Variants in SATB1 observed in about 807,000 individuals in gnomAD.
The protein encoded by SATB1 is SATB homeobox 1, also known as DNA-binding protein SATB1.
A neutral mutation model predicts 86.9 loss-of-function variants in SATB1; 11 were observed. The observed-to-expected ratio is 0.13, with a 90% CI of 0.08 to 0.21. The LOEUF is 0.21. SATB1 is among the 10% of genes least tolerant of loss of function. The pLI, the probability that SATB1 is intolerant of heterozygous loss-of-function variation, is 1.00. For synonymous variants in SATB1, 357 were observed against 357.2 expected, an observed-to-expected ratio of 1.00 and a Z score of 0.01; for missense variants, 551 against 937.6, an observed-to-expected ratio of 0.59 and a Z score of 5.39.
In SATB1 at chr3:18,416,881, C is replaced by T. The variant is rs1192513636; in HGVS notation, c.388+21G>A. On this transcript the variant is annotated intron_variant, in intron 3 of 10. Coordinates refer to ENST00000338745, the MANE Select transcript of SATB1 (RefSeq NM_002971.6). ...AAAGAATGCTAAGCAATTTTTCCAA[C>T]CCCACGTACACATTATTTACCTTTG... The T allele has an allele frequency of 6.4e-6, 10 of 1,568,138 alleles. No homozygotes were observed. In the East Asian group the frequency reaches 2.3e-4, roughly 35 times the overall value.
intron 5 of SATB1, among the ~76,000 whole-genome samples, chr3:18,403,039 A>T (rs968482570): frequency 6.6e-6 from 1 of 152,130 alleles, no homozygotes; most frequent in African/African-American, 2.4e-5. Context: ...GAATAGCAAG[A>T]GATTGTTTTT....
intron 6 of SATB1, among the ~76,000 whole-genome samples, chr3:18,396,566 T>G (rs1193061106): frequency 3.3e-5 from 5 of 152,306 alleles, no homozygotes; most frequent in Admixed American, 2.0e-4. Flanking sequence ...GTGTACTTCT[T>G]GCATAACAAA....
intron 9 of SATB1, among the ~76,000 whole-genome samples, chr3:18,366,442 A>C (rs1442825140): frequency 8.1e-6 from 1 of 122,902 alleles, no homozygotes; most frequent in African/African-American, 4.3e-5. Context: ...AACTTCCATC[A>C]ATCAATCAAT....
At chr3:18,407,188 C>A (rs1213559628) in intron 5 of SATB1, among the ~76,000 whole-genome samples, 9 of 152,010 alleles carry the variant, frequency 5.9e-5, no homozygotes, top group African/African-American at 1.9e-4. Context: ...TTCTACTTGA[C>A]ATTATCTAGC....
Position 18,370,686 on chromosome 3 carries a change from T to A in SATB1, c.1575+7484A>T, listed in dbSNP as rs192488043. Among the ~76,000 whole-genome samples, 245 of 152,240 alleles carry A rather than the reference T, an allele frequency of 1.6e-3. 4 individuals are homozygous for A. In the South Asian group the frequency reaches 0.039, roughly 24 times the overall value. On this transcript the variant is annotated intron_variant, in intron 9 of 10. Coordinates refer to ENST00000338745, the MANE Select transcript of SATB1 (RefSeq NM_002971.6). ...AACAGATTTAAATATTTACTCAAAT[T>A]TGGACCTCAAAATGGGTTTAGCATA...
intron 5 of SATB1, among the ~76,000 whole-genome samples, chr3:18,405,943 A>G (rs951989194): frequency 6.6e-6 from 1 of 152,046 alleles, no homozygotes; most frequent in Non-Finnish European, 1.5e-5. Flanking sequence ...CATCTCAATC[A>G]ATATTATGAA....
intron 8 of SATB1, among the ~76,000 whole-genome samples, chr3:18,384,473 TA>T (rs1441462604): frequency 6.7e-6 from 1 of 149,392 alleles, no homozygotes; most frequent in East Asian, 1.9e-4. Context: ...TTTTTTTTTT[TA>T]AAGCAGTTCA....
chr3:18,389,456 C>G (rs1696525385), intron 7 of SATB1, among the ~76,000 whole-genome samples: 2 of 151,794 alleles, frequency 1.3e-5, no homozygotes, highest in Non-Finnish European at 2.9e-5. Context: ...TGGTCCTGTT[C>G]AGGTTGTTGT....
In SATB1 at chr3:18,415,162, T is replaced by C; in HGVS notation, c.588A>G (p.Leu196=). The C allele has an allele frequency of 2.5e-6, 4 of 1,613,124 alleles. No individual in the cohort carries two copies. The highest frequency in any genetic ancestry group is 3.4e-6 in the Non-Finnish European group (4 of 1,179,294). ...HTTVRNALKD[L]LKDMNQSSLA... Reference sequence around the variant, plus strand: ...ATGAACTCTGATTCATATCTTTCAGTAAGTCCTTCAGAGCATTCCTCACTG... The same window carrying C: ...ATGAACTCTGATTCATATCTTTCAGCAAGTCCTTCAGAGCATTCCTCACTG... Residue 196 remains leucine (L), a synonymous_variant, in exon 5 of 11, where the codon TTA becomes TTG. Coordinates refer to ENST00000338745, the MANE Select transcript of SATB1 (RefSeq NM_002971.6).
chr3:18,425,989 A>G (rs1698685296), upstream of SATB1, among the ~76,000 whole-genome samples: 1 of 152,130 alleles, frequency 6.6e-6, no homozygotes, highest in South Asian at 2.1e-4. Context: ...GTGGGGGGAC[A>G]GGGAGACGCA....
intron 9 of SATB1, among the ~76,000 whole-genome samples, chr3:18,376,689 T>C (rs1321579880): frequency 2.6e-5 from 4 of 152,058 alleles, no homozygotes; most frequent in South Asian, 4.1e-4. Flanking sequence ...CATTCTATCA[T>C]AATTAGAAAC....
chr3:18,418,463 A>G (rs1698227831), intron 2 of SATB1, among the ~76,000 whole-genome samples: 1 of 152,194 alleles, frequency 6.6e-6, no homozygotes, highest in African/African-American at 2.4e-5. Flanking sequence ...AAAACTCACA[A>G]ACTCATTCGG....
upstream of SATB1, among the ~76,000 whole-genome samples, chr3:18,425,700 G>C (rs547534318): frequency 1.3e-5 from 2 of 151,992 alleles, no homozygotes; most frequent in South Asian, 4.1e-4. Context: ...GCCGCCGCCA[G>C]ACGCGCCAGG....
intron 7 of SATB1, among the ~76,000 whole-genome samples, chr3:18,390,244 G>A (rs542631395): frequency 6.3e-4 from 96 of 152,194 alleles, no homozygotes; most frequent in Non-Finnish European, 1.2e-3. Flanking sequence ...GATTCAAATA[G>A]ATTTTATCAG....
At chr3:18,408,902 G>A (rs1253445438) in intron 5 of SATB1, 1 of 151,824 alleles carries the variant, frequency 6.6e-6, no homozygotes, top group East Asian at 1.9e-4. Flanking sequence ...AAAACCATTA[G>A]AAAATAGCAT....
chr3:18,437,549 G>C, intron 1 of SATB1, among the ~76,000 whole-genome samples: 1 of 151,994 alleles, frequency 6.6e-6, no homozygotes, highest in Non-Finnish European at 1.5e-5. Context: ...ACTGTCTACT[G>C]CTCTAATAAC....
rs62240975 is a variant in SATB1 at position 18,444,681 on chromosome 3, G to A, written c.-25+837C>T. ...ACCAAGAACGGCTCCCCGGGCGGGCGCGCCGGCGTCGGACTTCCGAGGCGG... is the reference window on the plus strand; with the variant it reads ...ACCAAGAACGGCTCCCCGGGCGGGCACGCCGGCGTCGGACTTCCGAGGCGG... On this transcript the variant is annotated intron_variant, in intron 1 of 3. Coordinates refer to the SATB1 transcript ENST00000415069. The surrounding 1 kb of genome is among the most constrained non-coding windows in gnomAD (Gnocchi z 5.1). 246,333 of 982,988 alleles carry A rather than the reference G, an allele frequency of 0.25. 32,150 individuals are homozygous for A. Among genetic ancestry groups the A allele is most frequent in the African/African-American group, 0.4 (22,652 of 56,838 alleles). The allele number at this position is 982,988 out of a possible 1,614,324, so 60.9% of individuals were successfully genotyped here.
At chr3:18,366,638 A>C (rs142494721) in intron 9 of SATB1, among the ~76,000 whole-genome samples, 4 of 152,308 alleles carry the variant, frequency 2.6e-5, no homozygotes, top group Non-Finnish European at 5.9e-5. Flanking sequence ...AATTCGGCTC[A>C]TCTCATACTC....
intron 9 of SATB1, among the ~76,000 whole-genome samples, chr3:18,372,474 A>AT (rs1322552574): frequency 6.6e-6 from 1 of 152,166 alleles, no homozygotes; most frequent in African/African-American, 2.4e-5. Context: ...TCTTCTGTTC[A>AT]TTTTTTTAAA....
Sources: allele counts gnomAD v4.1 joint callset (sites outside exome capture counted in the v4.1 genomes callset), GRCh38; gene constraint gnomAD v4.1.1; non-coding constraint Gnocchi (gnomAD v3.1); transcripts MANE v1.5; gene names NCBI Gene and HGNC (gene_info 2026-07-23, HGNC 2026-07-21).